TRANK1: variants seen among roughly 807,000 people sequenced by gnomAD.
TRANK1 encodes the protein TPR and ankyrin repeat-containing protein 1.
TRANK1 carries 198 observed loss-of-function variants against 266.0 expected under a neutral mutation model. The observed-to-expected ratio is 0.74, with a 90% CI of 0.66 to 0.84. The LOEUF is 0.84. Ranked by LOEUF, TRANK1 falls within the 40% of genes least tolerant of loss-of-function variation. The pLI is 0.00. For missense variants in TRANK1, 3,326 were observed against 3,634.6 expected (o/e 0.92, Z 2.18); for synonymous variants, 1,396 against 1,384.1 (o/e 1.01, Z -0.19).
In TRANK1 at chr3:36,842,683, G is replaced by T; in HGVS notation, c.5219C>A (p.Thr1740Asn). The T allele has an allele frequency of 6.2e-7, 1 of 1,613,932 alleles. No homozygotes were observed. Residue 1740 changes from threonine to asparagine, a missense_variant, in exon 18 of 24, where the codon ACC (threonine) becomes AAC (asparagine). Coordinates refer to ENST00000645898, the MANE Select transcript of TRANK1 (RefSeq NM_001329998.2). ...KDFDDSMFVK[T>N]STPAEWIAQG... ...TGCAATCCACTCCGCAGGAGTTGAG[G>T]TCTTAACGAACATGCTATCATCAAA...
chr3:36,913,390 T>TTTGCTTGC (rs5847942), intron 1 of TRANK1, among the ~76,000 whole-genome samples: 1 of 151,514 alleles, frequency 6.6e-6, no homozygotes, highest in Non-Finnish European at 1.5e-5. Flanking sequence ...TTCTTGCCTG[T>TTTGCTTGC]TTGCTTGCTT....
Position 36,857,327 on chromosome 3 carries a change from G to T in TRANK1, c.2395C>A (p.Gln799Lys). The change falls in exon 13 of 24, where the codon CAG becomes AAG. Residue 799 changes from glutamine to lysine, a missense_variant. Gln to Lys is a moderately conservative substitution (Grantham distance 53). Coordinates refer to ENST00000645898, the MANE Select transcript of TRANK1 (RefSeq NM_001329998.2). The surrounding 1 kb of genome is among the most constrained non-coding windows in gnomAD (Gnocchi z 4.3). Reference protein sequence around the residue: ...GHAQVGLGALQLVPDDNRGKE... With the variant: ...GHAQVGLGALKLVPDDNRGKE... ...CCCCTGTTATCATCAGGCACAAGCT[G>T]CAAGGCCCCAAGGCCCACCTGAGCA... 1 of 1,608,692 alleles carries T rather than the reference G, an allele frequency of 6.2e-7. No homozygotes were observed. The highest frequency in any genetic ancestry group is 8.5e-7 in the Non-Finnish European group (1 of 1,177,478).
At chr3:36,938,992 T>C (rs939466675) in intron 1 of TRANK1, among the ~76,000 whole-genome samples, 12 of 150,382 alleles carry the variant, frequency 8.0e-5, no homozygotes, top group African/African-American at 2.7e-4. Flanking sequence ...CAAAAATTAG[T>C]CGGGTGTTGT....
rs5847945 is a variant in TRANK1, at chr3:36,942,874, T to TAA, written c.23+1911_23+1912dup. ...GAAGTTAACAATTTATGACCCGCTT[T>TAA]AAAAAAAAAAAAAAAACATAGAATG... On this transcript the variant is annotated intron_variant, in intron 1 of 23. Coordinates refer to ENST00000645898, the MANE Select transcript of TRANK1 (RefSeq NM_001329998.2). 1.7e-3 allele frequency among the ~76,000 whole-genome samples: 233 copies of TAA among 140,388 alleles called. 1 individual carries two copies. Among genetic ancestry groups the TAA allele is most frequent in the East Asian group, 0.016 (79 of 4,870 alleles). 92.1% of individuals were successfully genotyped at this position (140,388 alleles called of 152,430 possible).
chr3:36,941,628 G>A (rs919631702), intron 1 of TRANK1, among the ~76,000 whole-genome samples: 16 of 151,904 alleles, frequency 1.1e-4, no homozygotes, highest in African/African-American at 3.6e-4. Context: ...GCTGGGCACT[G>A]TGACATTTTT....
At chr3:36,882,020 C>A (rs1389241523) in intron 8 of TRANK1, among the ~76,000 whole-genome samples, 1 of 152,148 alleles carries the variant, frequency 6.6e-6, no homozygotes, top group East Asian at 1.9e-4. Flanking sequence ...TTCCACTTTT[C>A]TGGCTATTAT....
At chr3:36,927,379 T>A (rs556580382) in intron 1 of TRANK1, among the ~76,000 whole-genome samples, 1 of 152,346 alleles carries the variant, frequency 6.6e-6, no homozygotes, top group African/African-American at 2.4e-5. Flanking sequence ...AGATAAGTTG[T>A]AAGTCTGCCT....
chr3:36,855,270 C>G lies in TRANK1; in HGVS notation c.4452G>C (p.Leu1484=), dbSNP rs2125541509. 1 of 1,614,056 alleles carries G rather than the reference C, an allele frequency of 6.2e-7. No individual in the cohort carries two copies. The highest frequency in any genetic ancestry group is 8.5e-7 in the Non-Finnish European group (1 of 1,179,902). Residue 1484 remains leucine, a synonymous_variant, in exon 13 of 24, where the codon CTG becomes CTC. Transcript: ENST00000645898. ...VAFRFSDLRS[L]FHYASRNTID... The stretch of plus-strand genomic sequence containing the variant: ...TGGTGTTTCTGCTGGCATAATGGAA[C>G]AGAGAGCGCAGATCGCTGAAGCGGA...
In TRANK1 at chr3:36,874,119, G is replaced by A. The variant is rs1398755021; in HGVS notation, c.1078+7C>T. ...CCCCCCAAAAGTTAATACACTGGAA[G>A]CTGTACCTGATAGGTCCTTAGAACA... On this transcript the variant is annotated splice_region_variant and intron_variant, in intron 9 of 23. Coordinates refer to ENST00000645898, the MANE Select transcript of TRANK1 (RefSeq NM_001329998.2). The A allele has an allele frequency of 6.5e-7, 1 of 1,534,558 alleles. No homozygotes were observed. The highest frequency in any genetic ancestry group is 1.4e-5 in the African/African-American group (1 of 72,874).
chr3:36,941,466 A>C (rs2080495676), intron 1 of TRANK1, among the ~76,000 whole-genome samples: 1 of 152,206 alleles, frequency 6.6e-6, no homozygotes, highest in Non-Finnish European at 1.5e-5. Flanking sequence ...AACGGAGTCC[A>C]GGGTATCTTA....
intron 9 of TRANK1, among the ~76,000 whole-genome samples, chr3:36,869,803 A>C (rs2079279488): frequency 6.6e-6 from 1 of 152,270 alleles, no homozygotes; most frequent in Non-Finnish European, 1.5e-5. Flanking sequence ...CTTCAGATGC[A>C]TGAGCCACAC....
In TRANK1 at chr3:36,846,361, C is replaced by T. The variant is rs778182197; in HGVS notation, c.5078G>A (p.Arg1693Gln). 10 of 1,613,618 alleles carry T rather than the reference C, an allele frequency of 6.2e-6. No individual in the cohort carries two copies. The highest frequency in any genetic ancestry group is 5.3e-5 in the African/African-American group (4 of 74,890). Residue 1693 changes from arginine to glutamine, a missense_variant, in exon 17 of 24, where the codon CGG (arginine) becomes CAG (glutamine). Arg to Gln is a conservative substitution (Grantham distance 43, BLOSUM62 1). Transcript: ENST00000645898. ...AAAGATCCAGAGGTTGACCCGAGCC[C>T]GTGTGATGGCGGTGTACAGCTGCTT... ...ELKQLYTAIT[R>Q]ARVNLWIFDE...
intron 1 of TRANK1, among the ~76,000 whole-genome samples, chr3:36,943,050 G>C (rs2080518758): frequency 6.6e-6 from 1 of 152,116 alleles, no homozygotes; most frequent in Non-Finnish European, 1.5e-5. Flanking sequence ...GCTTGGTGGC[G>C]CCCCACCCCC....
intron 17 of TRANK1, 41 bp downstream of exon 17, chr3:36,846,207 C>G (rs780648141): frequency 2.6e-6 from 4 of 1,516,984 alleles, no homozygotes; most frequent in Non-Finnish European, 3.6e-6. Flanking sequence ...GAGAGAAACA[C>G]GATTCCTCCA....
intron 8 of TRANK1, among the ~76,000 whole-genome samples, chr3:36,877,931 T>C (rs2079413202): frequency 6.6e-6 from 1 of 152,242 alleles, no homozygotes; most frequent in Non-Finnish European, 1.5e-5. Flanking sequence ...TCCTGGCTTC[T>C]GCTGAACCAG....
At chr3:36,853,803 T>G (rs1007610405) in intron 13 of TRANK1, among the ~76,000 whole-genome samples, 4 of 152,200 alleles carry the variant, frequency 2.6e-5, no homozygotes, top group African/African-American at 9.6e-5. Flanking sequence ...ATATGAAATG[T>G]CCACAATAGG....
At chr3:36,868,109 T>G (rs2079253524) in intron 9 of TRANK1, among the ~76,000 whole-genome samples, 1 of 152,228 alleles carries the variant, frequency 6.6e-6, no homozygotes, top group Non-Finnish European at 1.5e-5. Context: ...CTGGCCACCT[T>G]CAACACTGAA....
At chr3:36,932,169 T>C (rs1274617526) in intron 1 of TRANK1, among the ~76,000 whole-genome samples, 2 of 152,220 alleles carry the variant, frequency 1.3e-5, no homozygotes, top group Non-Finnish European at 2.9e-5. Flanking sequence ...TACAAACTCC[T>C]ATATATCGAA....
intron 15 of TRANK1, among the ~76,000 whole-genome samples, chr3:36,848,725 TAA>T (rs944308989): frequency 2.0e-5 from 3 of 152,236 alleles, no homozygotes; most frequent in African/African-American, 7.2e-5. Context: ...TTGGAAGGTT[TAA>T]AACAATCTTC....
Sources: gnomAD v4.1 joint callset for allele counts (sites outside exome capture counted in the v4.1 genomes callset) on GRCh38, gnomAD v4.1.1 for gene constraint, Gnocchi (gnomAD v3.1) non-coding constraint, MANE v1.5 for transcripts, NCBI Gene and HGNC (gene_info 2026-07-23, HGNC 2026-07-21) for gene names.